Variants in ERC1 observed in about 807,000 individuals in gnomAD.
The protein encoded by ERC1 is ELKS/RAB6-interacting/CAST family member 1, also known as RAB6 interacting protein 2.
A neutral mutation model predicts 132.0 loss-of-function variants in ERC1; 56 were observed. That is an observed-to-expected ratio of 0.42 (90% CI 0.34 to 0.53). The LOEUF is 0.53. Among genes scored for constraint, ERC1 ranks in the 20% least tolerant of loss-of-function variants. The pLI is 0.03. For synonymous variants in ERC1, 478 were observed against 476.1 expected, an observed-to-expected ratio of 1.00 and a Z score of -0.05; for missense variants, 1,202 against 1,349.9, an observed-to-expected ratio of 0.89 and a Z score of 1.72.
At chr12:1,092,589 G>A (rs1943390353) in intron 3 of ERC1, among the ~76,000 whole-genome samples, 1 of 152,220 alleles carries the variant, frequency 6.6e-6, no homozygotes, top group African/African-American at 2.4e-5. Context: ...AGAAAGTTAT[G>A]AAAACAGTTT....
At chr12:1,471,796 T>G (rs2093867151) in intron 18 of ERC1, among the ~76,000 whole-genome samples, 1 of 152,214 alleles carries the variant, frequency 6.6e-6, no homozygotes, top group South Asian at 2.1e-4. Flanking sequence ...CCAGATTCCT[T>G]GTAAAGCTTT....
Position 1,296,679 on chromosome 12 carries a change from C to T in ERC1, c.2780+6667C>T, listed in dbSNP as rs1423872145. On this transcript the variant is annotated intron_variant, in intron 15 of 18. Coordinates refer to ENST00000360905, the MANE Select transcript of ERC1 (RefSeq NM_178040.4). ...CCTCCCAAAGTGCTGGGATTACAGG[C>T]GTCAGCCACCGTGCCCAGCCTATTG... 3.3e-5 allele frequency among the ~76,000 whole-genome samples: 5 copies of T among 151,894 alleles called. No homozygotes were observed. In the East Asian group the frequency reaches 7.7e-4, roughly 24 times the overall value.
chr12:1,024,427 C>G (rs1025034101), intron 1 of ERC1, among the ~76,000 whole-genome samples: 1 of 152,098 alleles, frequency 6.6e-6, no homozygotes, highest in African/African-American at 2.4e-5. Context: ...CCCGCTCCCC[C>G]CACAGGTTTG....
At chr12:1,352,423 C>T (rs2085084803) in intron 15 of ERC1, among the ~76,000 whole-genome samples, 1 of 152,158 alleles carries the variant, frequency 6.6e-6, no homozygotes, top group South Asian at 2.1e-4. Flanking sequence ...AATCACTGGA[C>T]CATCAGGCTG....
intron 12 of ERC1, among the ~76,000 whole-genome samples, chr12:1,218,186 A>T (rs1342591085): frequency 6.6e-6 from 1 of 152,170 alleles, no homozygotes; most frequent in Admixed American, 6.5e-5. Flanking sequence ...TCCTCATCAA[A>T]TCTACCAGCC....
At chr12:1,413,832 G>A (rs2091971755) in intron 17 of ERC1, among the ~76,000 whole-genome samples, 1 of 152,204 alleles carries the variant, frequency 6.6e-6, no homozygotes. Context: ...AGTCAGCTCA[G>A]GCTGCTATTG....
At chr12:1,372,811 C>T (rs1436807999) in intron 16 of ERC1, among the ~76,000 whole-genome samples, 2 of 152,036 alleles carry the variant, frequency 1.3e-5, no homozygotes, top group African/African-American at 2.4e-5. Context: ...GTAATGAGAC[C>T]GAGAAAGAGC....
intron 7 of ERC1, among the ~76,000 whole-genome samples, chr12:1,133,783 A>C (rs1948997671): frequency 6.6e-6 from 1 of 152,110 alleles, no homozygotes; most frequent in Non-Finnish European, 1.5e-5. Flanking sequence ...GTACCCTTTG[A>C]TCAGCATCTC....
Position 1,083,591 on chromosome 12 carries a change from A to G in ERC1, c.1086+11A>G. 3.8e-6 allele frequency: 6 copies of G among 1,560,502 alleles called. No individual in the cohort carries two copies. The highest frequency in any genetic ancestry group is 5.2e-6 in the Non-Finnish European group (6 of 1,158,772). On this transcript the variant is annotated intron_variant, in intron 3 of 18. Coordinates refer to ENST00000360905, the MANE Select transcript of ERC1 (RefSeq NM_178040.4). ...AGTATGTTGAGAGAGGTATGTGACT[A>G]CTTTTTTAGTTTTATGATTTGTTGG...
chr12:1,478,519 C>T (rs11061772), intron 18 of ERC1, among the ~76,000 whole-genome samples: 50,213 of 151,904 alleles, frequency 0.33, 8,667 homozygotes, highest in African/African-American at 0.43. Flanking sequence ...TCCGGCCGGG[C>T]GCGGTGGCTC....
At chr12:1,120,587 A>T (rs1946970244) in intron 7 of ERC1, among the ~76,000 whole-genome samples, 4 of 152,164 alleles carry the variant, frequency 2.6e-5, no homozygotes, top group Non-Finnish European at 5.9e-5. Context: ...CAAAATTGTG[A>T]TGCTATACTA....
chr12:1,022,583 A>G (rs1012744441), intron 1 of ERC1, among the ~76,000 whole-genome samples: 1 of 151,940 alleles, frequency 6.6e-6, no homozygotes, highest in South Asian at 2.1e-4. Flanking sequence ...TAATCCCTAC[A>G]TGTTGTGGAG....
At chr12:1,476,960 G>A (rs1278500019) in intron 18 of ERC1, among the ~76,000 whole-genome samples, 2 of 152,296 alleles carry the variant, frequency 1.3e-5, no homozygotes, top group South Asian at 2.1e-4. Context: ...ATGAAAAGCT[G>A]TTTAATTATT....
chr12:996,627 T>TA (rs1960972463), intron 1 of ERC1, among the ~76,000 whole-genome samples: 1 of 152,094 alleles, frequency 6.6e-6, no homozygotes, highest in Non-Finnish European at 1.5e-5. Flanking sequence ...CAGAACAAAA[T>TA]AGGCAACCTG....
intron 15 of ERC1, among the ~76,000 whole-genome samples, chr12:1,338,626 G>C (rs1314598485): frequency 6.6e-6 from 1 of 152,180 alleles, no homozygotes; most frequent in African/African-American, 2.4e-5. Context: ...TTTTTGAGTT[G>C]TCAAGAGTTC....
chr12:1,004,557 C>A (rs1311160815), intron 1 of ERC1, among the ~76,000 whole-genome samples: 1 of 151,764 alleles, frequency 6.6e-6, no homozygotes, highest in African/African-American at 2.4e-5. Flanking sequence ...CAGGTGCCCA[C>A]CACCACACCC....
intron 18 of ERC1, among the ~76,000 whole-genome samples, chr12:1,449,779 T>C (rs2093383469): frequency 6.6e-6 from 1 of 152,180 alleles, no homozygotes; most frequent in Non-Finnish European, 1.5e-5. Flanking sequence ...CTGATATAAT[T>C]ATTGACACAG....
intron 7 of ERC1, among the ~76,000 whole-genome samples, chr12:1,135,085 G>C (rs961509456): frequency 2.0e-5 from 3 of 152,126 alleles, no homozygotes; most frequent in Non-Finnish European, 4.4e-5. Context: ...GTCTGAGAAT[G>C]GTAATGGAAG....
chr12:1,185,158 C>G (rs1954935164), intron 11 of ERC1, among the ~76,000 whole-genome samples: 2 of 152,154 alleles, frequency 1.3e-5, no homozygotes, highest in African/African-American at 4.8e-5. Context: ...ATCCACCCGC[C>G]TCAGCCTCCC....
Sources: allele counts gnomAD v4.1 joint callset (sites outside exome capture counted in the v4.1 genomes callset), GRCh38; gene constraint gnomAD v4.1.1; transcripts MANE v1.5; gene names NCBI Gene and HGNC (gene_info 2026-07-23, HGNC 2026-07-21).